Variants in MPDZ observed in about 807,000 individuals in gnomAD.
The protein encoded by MPDZ is multiple PDZ domain protein.
MPDZ carries 234 observed loss-of-function variants against 239.1 expected under a neutral mutation model. The observed-to-expected ratio is 0.98, with a 90% CI of 0.88 to 1.09. The LOEUF (loss-of-function observed/expected upper bound fraction) is 1.09. Ranked by LOEUF, MPDZ falls within the 50% of genes least tolerant of loss-of-function variation. MPDZ has a pLI of 0.00. For synonymous variants in MPDZ, 1,048 were observed against 881.3 expected (o/e 1.19, Z -3.35); for missense variants, 3,175 against 2,510.0 (o/e 1.26, Z -5.66).
chr9:13,190,254 CCT>C lies in MPDZ; in HGVS notation c.2012_2013del (p.Glu671GlyfsTer8). 6.2e-7 allele frequency: 1 copy of C among 1,610,546 alleles called. No individual in the cohort carries two copies. Among genetic ancestry groups the C allele is most frequent in the South Asian group, 1.1e-5 (1 of 90,486 alleles). On this transcript the variant is annotated frameshift_variant, in exon 16 of 47. Coordinates refer to ENST00000319217, the MANE Select transcript of MPDZ (RefSeq NM_001378778.1). LOFTEE classifies it high-confidence loss of function. ...LGEFIGSSET[E>X]DPVLAMTDAG... ...GCATCAGTCATCGCCAGCACTGGAT[CCT>C]CTGTCTCTGATGACCCGATGAACTC...
intron 46 of MPDZ, among the ~76,000 whole-genome samples, chr9:13,108,267 C>A (rs1941822981): frequency 6.6e-6 from 1 of 152,032 alleles, no homozygotes; most frequent in Non-Finnish European, 1.5e-5. Flanking sequence ...ACAATAATTA[C>A]ATGGGTTTAA....
At chr9:13,140,240 G>T (rs1947447320) in intron 27 of MPDZ, 91 bp from the exon 28 acceptor site, 2 of 1,279,640 alleles carry the variant, frequency 1.6e-6, no homozygotes, top group South Asian at 3.2e-5. Context: ...CAAAAACAAA[G>T]ACTGGCTTTA....
chr9:13,125,208 G>C lies in MPDZ; in HGVS notation c.4807+8C>G, dbSNP rs777913686. The C allele has an allele frequency of 6.3e-6, 10 of 1,582,326 alleles. No homozygotes were observed. In the South Asian group the frequency reaches 9.2e-5, roughly 15 times the overall value. On this transcript the variant is annotated splice_region_variant and intron_variant, in intron 35 of 46. Coordinates refer to ENST00000319217, the MANE Select transcript of MPDZ (RefSeq NM_001378778.1). The stretch of plus-strand genomic sequence containing the variant: ...TGTGCAGGACTCTCATGAGTCCAGA[G>C]GCCTTACTTCGGATGGACTCCGGTT...
At position 13,193,242 on chromosome 9, in the gene MPDZ, A is replaced by G. The variant is rs1564000158; in HGVS notation, c.1728T>C (p.His576=). The change falls in exon 14 of 47, where the codon CAT becomes CAC. Residue 576 remains histidine (H), a synonymous_variant. Transcript: ENST00000319217. ...GISLEATVGH[H]FIRSVLPEGP... ...CCTCTGGTAGAACAGATCGGATAAA[A>G]TGATGTCCCACTGTCGCTTCCAGGC... 2 of 1,612,540 alleles carry G rather than the reference A, an allele frequency of 1.2e-6. No individual in the cohort carries two copies. Among genetic ancestry groups the G allele is most frequent in the African/African-American group, 2.7e-5 (2 of 74,890 alleles).
chr9:13,208,699 A>G (rs1224929325), intron 10 of MPDZ, among the ~76,000 whole-genome samples: 1 of 150,182 alleles, frequency 6.7e-6, no homozygotes, highest in African/African-American at 2.4e-5. Context: ...ACAACAATAT[A>G]TATGAATATA....
intron 3 of MPDZ, among the ~76,000 whole-genome samples, chr9:13,246,717 C>A (rs1031771181): frequency 1.1e-4 from 17 of 151,874 alleles, no homozygotes; most frequent in African/African-American, 4.1e-4. Flanking sequence ...TTTTTTTTAA[C>A]TGGAGCTGTT....
intron 38 of MPDZ, chr9:13,120,307 T>G (rs914576725): frequency 1.3e-5 from 2 of 151,954 alleles, no homozygotes; most frequent in Admixed American, 1.3e-4. Context: ...TAGAAATATA[T>G]AGTAAAAGCT....
intron 25 of MPDZ, among the ~76,000 whole-genome samples, chr9:13,150,047 C>T (rs1194628466): frequency 3.3e-5 from 5 of 151,788 alleles, no homozygotes; most frequent in Non-Finnish European, 1.5e-5. Flanking sequence ...GAAATAAAAT[C>T]TCATTAACTT....
rs1465228207 is a variant in MPDZ at position 13,256,512 on chromosome 9, T to C, written c.-57-6140A>G. ...AGAGGCATGCAACTCTTCCTTTCAC[T>C]TAAACACTTAGAGGCTATTGCAGGG... On this transcript the variant is annotated intron_variant, in intron 1 of 46. Transcript: ENST00000319217. Among the ~76,000 whole-genome samples, 7 of 152,320 alleles carry C rather than the reference T, an allele frequency of 4.6e-5. No homozygotes were observed. In the East Asian group the frequency reaches 1.2e-3, roughly 25 times the overall value.
At chr9:13,278,661 G>C (rs1485741619) in intron 1 of MPDZ, among the ~76,000 whole-genome samples, 1 of 152,144 alleles carries the variant, frequency 6.6e-6, no homozygotes, top group Non-Finnish European at 1.5e-5. Flanking sequence ...CGGGGGGTGA[G>C]GAGACTAAGG....
At chr9:13,136,622 G>A (rs777661622) in intron 30 of MPDZ, 90 bp downstream of exon 30, 11 of 904,580 alleles carry the variant, frequency 1.2e-5, no homozygotes, top group East Asian at 2.8e-5. Context: ...CAGCATGCCC[G>A]GCTACAAATG....
intron 1 of MPDZ, among the ~76,000 whole-genome samples, chr9:13,253,118 G>A (rs1370190581): frequency 1.3e-5 from 2 of 151,642 alleles, no homozygotes; most frequent in Non-Finnish European, 2.9e-5. Context: ...AAAGTACAGC[G>A]TAGGCAGTTC....
chr9:13,217,263 C>T lies in MPDZ; in HGVS notation c.1118G>A (p.Ser373Asn), dbSNP rs1259486197. Residue 373 changes from serine to asparagine, a missense_variant, in exon 9 of 47, where the codon AGT becomes AAT. Transcript: ENST00000319217. Reference protein sequence around the residue: ...VDASTQKGEESETFDVELTKN... With the variant: ...VDASTQKGEENETFDVELTKN... Reference sequence around the variant, plus strand: ...AGTGAGTTCTACATCAAATGTCTCACTTTCTTCACCTTTCTGAGTAGAAGC... The same window carrying T: ...AGTGAGTTCTACATCAAATGTCTCATTTTCTTCACCTTTCTGAGTAGAAGC... 6 of 1,599,000 alleles carry T rather than the reference C, an allele frequency of 3.8e-6. No individual in the cohort carries two copies. In the African/African-American group the frequency reaches 8.0e-5, roughly 21 times the overall value.
intron 3 of MPDZ, among the ~76,000 whole-genome samples, chr9:13,233,204 C>A (rs983274155): frequency 2.0e-5 from 3 of 151,944 alleles, no homozygotes; most frequent in Non-Finnish European, 4.4e-5. Context: ...AGTGAACATC[C>A]AAGAGAAATA....
intron 41 of MPDZ, 141 bp downstream of exon 41, chr9:13,113,790 T>C (rs1007095186): frequency 2.6e-5 from 17 of 663,798 alleles, no homozygotes; most frequent in Non-Finnish European, 1.3e-5. Flanking sequence ...TTGTTCAGAC[T>C]TTTTGCTAAC....
At chr9:13,149,181 T>C (rs1948824596) in intron 25 of MPDZ, among the ~76,000 whole-genome samples, 1 of 151,834 alleles carries the variant, frequency 6.6e-6, no homozygotes, top group South Asian at 2.1e-4. Context: ...CTCTTCCTTA[T>C]AAACGGTCAT....
chr9:13,130,208 A>G (rs989101174), intron 32 of MPDZ, among the ~76,000 whole-genome samples: 26 of 152,196 alleles, frequency 1.7e-4, no homozygotes, highest in Non-Finnish European at 2.9e-5. Context: ...TTTAGATTCT[A>G]TGTATGAGAG....
At chr9:13,116,469 G>C (rs1336034198) in intron 39 of MPDZ, among the ~76,000 whole-genome samples, 2 of 152,148 alleles carry the variant, frequency 1.3e-5, no homozygotes, top group East Asian at 3.9e-4. Flanking sequence ...AGTACAAAGG[G>C]ATGTGTTATT....
intron 32 of MPDZ, among the ~76,000 whole-genome samples, chr9:13,128,881 C>G (rs977237466): frequency 6.6e-6 from 1 of 152,154 alleles, no homozygotes; most frequent in East Asian, 1.9e-4. Context: ...TGGGATAAAG[C>G]TGACACTGGA....
Sources: allele counts gnomAD v4.1 joint callset (sites outside exome capture counted in the v4.1 genomes callset), GRCh38; gene constraint gnomAD v4.1.1; transcripts MANE v1.5; gene names NCBI Gene and HGNC (gene_info 2026-07-23, HGNC 2026-07-21).